CRAMP1: variants seen among roughly 807,000 people sequenced by gnomAD.
CRAMP1 encodes the protein cramped chromatin regulator 1.
A neutral mutation model predicts 115.4 loss-of-function variants in CRAMP1; 50 were observed. That is an observed-to-expected ratio of 0.43 (90% CI 0.35 to 0.55). The LOEUF is 0.55. Among genes scored for constraint, CRAMP1 ranks in the 20% least tolerant of loss-of-function variants. CRAMP1 has a pLI of 0.01. For synonymous variants in CRAMP1, 866 were observed against 745.4 expected (o/e 1.16, Z -2.64); for missense variants, 1,679 against 1,721.7 (o/e 0.98, Z 0.44).
intron 6 of CRAMP1, among the ~76,000 whole-genome samples, chr16:1,648,913 G>T (rs2036699347): frequency 6.6e-6 from 1 of 152,074 alleles, no homozygotes; most frequent in Non-Finnish European, 1.5e-5. Context: ...AAAAAAATTA[G>T]CTGGGCGTGG....
intron 5 of CRAMP1, among the ~76,000 whole-genome samples, chr16:1,638,983 G>A (rs944194852): frequency 1.3e-4 from 20 of 152,042 alleles, no homozygotes; most frequent in Middle Eastern, 3.4e-3. Context: ...ACTCATGTCC[G>A]TGGGCCTCGT....
Position 1,632,203 on chromosome 16 carries a change from A to T in CRAMP1, c.541-9A>T, listed in dbSNP as rs1198231102. ...CCCCTCTACATTTATCATGGAATTT[A>T]TTTTCCAGCATGGGAAAGACTTTGA... On this transcript the variant is annotated splice_polypyrimidine_tract_variant and intron_variant, in intron 3 of 20. Transcript: ENST00000397412. The T allele has an allele frequency of 6.4e-7, 1 of 1,552,644 alleles. No homozygotes were observed. Among genetic ancestry groups the T allele is most frequent in the East Asian group, 2.4e-5 (1 of 40,970 alleles).
chr16:1,652,556 C>T lies in CRAMP1; in HGVS notation c.888C>T (p.Ala296=). ...GGATCAAAGCGCCCATGTGCCGGGC[C>T]CTGAAGAAGCTGTGCGATCCAGATG... is the stretch of plus-strand genomic sequence containing the variant. ...NLRIKAPMCR[A]LKKLCDPDGL... The change falls in exon 7 of 21, where the codon GCC becomes GCT. Residue 296 remains alanine, a synonymous_variant. Coordinates refer to ENST00000397412, the MANE Select transcript of CRAMP1 (RefSeq NM_020825.4). The T allele has an allele frequency of 6.4e-7, 1 of 1,553,022 alleles. No homozygotes were observed. Among genetic ancestry groups the T allele is most frequent in the Non-Finnish European group, 8.7e-7 (1 of 1,147,640 alleles).
chr16:1,641,900 C>CTGGAGCT (rs1303550513), intron 6 of CRAMP1, among the ~76,000 whole-genome samples: 2 of 150,218 alleles, frequency 1.3e-5, no homozygotes, highest in Non-Finnish European at 3.0e-5. Context: ...ACTCTGGAGC[C>CTGGAGCT]TGGGGGGGGG....
At chr16:1,659,674 A>C (rs994126742) in intron 10 of CRAMP1, among the ~76,000 whole-genome samples, 1 of 152,216 alleles carries the variant, frequency 6.6e-6, no homozygotes, top group Non-Finnish European at 1.5e-5. Flanking sequence ...GGCGTGAGCC[A>C]CCGCACCTGG....
chr16:1,643,126 G>A (rs368080375), intron 6 of CRAMP1, among the ~76,000 whole-genome samples: 78 of 152,298 alleles, frequency 5.1e-4, no homozygotes, highest in African/African-American at 1.8e-3. Flanking sequence ...GGGACAACTC[G>A]GGGGGCTTTG....
chr16:1,663,775 C>G (rs2036852024), intron 13 of CRAMP1, among the ~76,000 whole-genome samples: 1 of 152,166 alleles, frequency 6.6e-6, no homozygotes, highest in African/African-American at 2.4e-5. Flanking sequence ...CTTTCTGTCT[C>G]TATGGATTTG....
At chr16:1,641,072 G>A in intron 5 of CRAMP1, 67 bp from the exon 6 acceptor site, 2 of 1,087,570 alleles carry the variant, frequency 1.8e-6, no homozygotes, top group Non-Finnish European at 2.8e-6. Context: ...GGAATTGTAT[G>A]GGAATCTTCA....
At chr16:1,641,006 C>T (rs913027802) in intron 5 of CRAMP1, 133 bp from the exon 6 acceptor site, 14 of 635,156 alleles carry the variant, frequency 2.2e-5, no homozygotes, top group Non-Finnish European at 3.8e-5. Context: ...TACTGTAGGG[C>T]TTTTATTCCA....
At position 1,661,995 on chromosome 16, in the gene CRAMP1, C is replaced by T. The variant is rs543145200; in HGVS notation, c.2414-495C>T. 2.0e-5 allele frequency among the ~76,000 whole-genome samples: 3 copies of T among 152,352 alleles called. No homozygotes were observed. The East Asian group carries it at 5.8e-4, about 29-fold the overall frequency. ...CCTGCAGCCCAGATCCAGCTCACTGCCTGCTGTTTATAAATAAAGTTTTAT... is the reference window on the plus strand; with the variant it reads ...CCTGCAGCCCAGATCCAGCTCACTGTCTGCTGTTTATAAATAAAGTTTTAT... On this transcript the variant is annotated intron_variant, in intron 11 of 20. Coordinates refer to ENST00000397412, the MANE Select transcript of CRAMP1 (RefSeq NM_020825.4).
At position 1,614,748 on chromosome 16, in the gene CRAMP1, G is replaced by A. The variant is rs957076005; in HGVS notation, c.109G>A (p.Asp37Asn). The A allele has an allele frequency of 3.7e-6, 5 of 1,369,026 alleles. No individual in the cohort carries two copies. In the African/African-American group the frequency reaches 6.0e-5, roughly 16 times the overall value. 84.8% of individuals were successfully genotyped at this position (1,369,026 alleles called of 1,614,324 possible). A position where few individuals can be genotyped will look rare whatever the true frequency, so the allele number is the denominator to read the frequency against. Residue 37 changes from aspartate to asparagine, a missense_variant, in exon 2 of 21, where the codon GAC (aspartate) becomes AAC (asparagine). Coordinates refer to ENST00000397412, the MANE Select transcript of CRAMP1 (RefSeq NM_020825.4). This position sits in a 1 kb window ranked among gnomAD's most constrained non-coding sequence, Gnocchi z 4.4. ...SLEGEGAGGA[D>N]AAEESSGTKR... ...GGAAGGAGAAGGGGCCGGCGGCGCA[G>A]ACGCGGCCGAGGAGAGCAGCGGCAC...
Position 1,666,088 on chromosome 16 carries a change from G to A in CRAMP1, c.2768G>A (p.Arg923Gln), listed in dbSNP as rs746567769. ...NSSVTGRGSF[R>Q]PIQSSLTKAA... Reference sequence around the variant, plus strand: ...GCCCTCGCAGGGAGAGGTTCGTTCCGGCCCATCCAGTCTTCTCTGACCAAA... The same window carrying A: ...GCCCTCGCAGGGAGAGGTTCGTTCCAGCCCATCCAGTCTTCTCTGACCAAA... The change falls in exon 15 of 21, where the codon CGG (arginine) becomes CAG (glutamine). Residue 923 changes from arginine to glutamine, a missense_variant. This residue lies in a region of CRAMP1 where 709 missense variants were observed against 741.9 expected (regional missense o/e 0.96). Transcript: ENST00000397412. The surrounding 1 kb of genome is among the most constrained non-coding windows in gnomAD (Gnocchi z 5.0). The A allele has an allele frequency of 5.0e-6, 8 of 1,610,414 alleles. No individual in the cohort carries two copies. Among genetic ancestry groups the A allele is most frequent in the African/African-American group, 4.0e-5 (3 of 74,762 alleles).
At position 1,669,044 on chromosome 16, in the gene CRAMP1, C is replaced by T; in HGVS notation, c.3378C>T (p.Asp1126=). The change falls in exon 19 of 21, where the codon GAC becomes GAT. Residue 1126 remains aspartate, a synonymous_variant. Coordinates refer to ENST00000397412, the MANE Select transcript of CRAMP1 (RefSeq NM_020825.4). The surrounding 1 kb of genome is among the most constrained non-coding windows in gnomAD (Gnocchi z 4.6). The stretch of plus-strand genomic sequence containing the variant: ...CTCCAGCAAAACTGAATGGCAGTGA[C>T]AGTTCCAAGAGCCTTCCCTCCCCGT... ...PLSPAKLNGS[D]SSKSLPSPSS... The T allele has an allele frequency of 6.2e-7, 1 of 1,613,216 alleles. No individual in the cohort carries two copies. The highest frequency in any genetic ancestry group is 8.5e-7 in the Non-Finnish European group (1 of 1,179,592).
At position 1,656,133 on chromosome 16, in the gene CRAMP1, G is replaced by T; in HGVS notation, c.1376G>T (p.Gly459Val). ...CAGAGTGGGCAGGGCACGGCCCGGG[G>T]CCAGGTGAAATGCCCGCGGAGCGGA... ...GIQSGQGTAR[G>V]QVKCPRSGAE... Residue 459 changes from glycine to valine, a missense_variant, in exon 10 of 21, where the codon GGC becomes GTC. By Grantham distance (109) the Gly-to-Val change is moderately radical. Transcript: ENST00000397412. The surrounding 1 kb of genome is among the most constrained non-coding windows in gnomAD (Gnocchi z 5.6). 7 of 1,608,568 alleles carry T rather than the reference G, an allele frequency of 4.4e-6. No individual in the cohort carries two copies. Among genetic ancestry groups the T allele is most frequent in the Non-Finnish European group, 5.1e-6 (6 of 1,178,256 alleles).
At chr16:1,665,552 A>C (rs1444516707) in intron 14 of CRAMP1, among the ~76,000 whole-genome samples, 1 of 152,156 alleles carries the variant, frequency 6.6e-6, no homozygotes, top group Non-Finnish European at 1.5e-5. Context: ...TTACACAGGG[A>C]GAAGCCTCTA....
intron 8 of CRAMP1, among the ~76,000 whole-genome samples, chr16:1,654,228 C>T (rs1469768489): frequency 3.4e-5 from 5 of 146,998 alleles, no homozygotes; most frequent in African/African-American, 5.0e-5. Context: ...TTTTTTTTTC[C>T]GAGATGGAGT....
chr16:1,628,168 C>A (rs1263795399), intron 3 of CRAMP1, among the ~76,000 whole-genome samples: 1 of 152,168 alleles, frequency 6.6e-6, no homozygotes, highest in Non-Finnish European at 1.5e-5. Context: ...TAATAGTTGG[C>A]TGTTCTGATC....
intron 3 of CRAMP1, among the ~76,000 whole-genome samples, chr16:1,628,553 C>T (rs962371260): frequency 7.9e-5 from 12 of 152,384 alleles, no homozygotes; most frequent in African/African-American, 2.9e-4. Flanking sequence ...CGCACCTGGC[C>T]TAACACGTTT....
chr16:1,633,983 G>T (rs1205782580), intron 4 of CRAMP1, among the ~76,000 whole-genome samples: 1 of 151,552 alleles, frequency 6.6e-6, no homozygotes, highest in African/African-American at 2.4e-5. Flanking sequence ...CAGGAGAATT[G>T]CACCACTGCA....
Sources: gnomAD v4.1 joint callset for allele counts (sites outside exome capture counted in the v4.1 genomes callset) on GRCh38, gnomAD v4.1.1 for gene constraint, gnomAD v4.1.1 regional missense constraint, Gnocchi (gnomAD v3.1) non-coding constraint, MANE v1.5 for transcripts, NCBI Gene and HGNC (gene_info 2026-07-23, HGNC 2026-07-21) for gene names.